Variants in SLC9B1 observed in about 807,000 individuals in gnomAD.
The protein encoded by SLC9B1 is solute carrier family 9 member B1.
In SLC9B1, 32 loss-of-function variants were observed where a neutral mutation model predicts 51.7. The ratio of observed to expected loss-of-function variants is 0.62; its 90% CI spans 0.47 to 0.83. The LOEUF (loss-of-function observed/expected upper bound fraction) is 0.83. Ranked by LOEUF, SLC9B1 falls within the 40% of genes least tolerant of loss-of-function variation. SLC9B1 has a pLI of 0.00. For synonymous variants in SLC9B1, 145 were observed against 212.7 expected, an observed-to-expected ratio of 0.68 and a Z score of 2.77; for missense variants, 406 against 613.2, an observed-to-expected ratio of 0.66 and a Z score of 3.57.
chr4:102,997,345 T>C (rs1007493132), intron 1 of SLC9B1, among the ~76,000 whole-genome samples: 2 of 152,336 alleles, frequency 1.3e-5, no homozygotes, highest in South Asian at 2.1e-4. Flanking sequence ...TTAGATTTTC[T>C]TGATCTTAAT....
At chr4:102,909,111 T>G (rs1007329457) in intron 9 of SLC9B1, among the ~76,000 whole-genome samples, 1 of 151,990 alleles carries the variant, frequency 6.6e-6, no homozygotes. Flanking sequence ...GTTGGCAGAG[T>G]GTAAATAACC....
At chr4:102,980,083 A>T (rs968120351) in intron 3 of SLC9B1, among the ~76,000 whole-genome samples, 1 of 152,182 alleles carries the variant, frequency 6.6e-6, no homozygotes, top group South Asian at 2.1e-4. Context: ...GATTATTAAA[A>T]AGTCAAAAAA....
chr4:102,996,569 T>G (rs1740229902), intron 1 of SLC9B1, among the ~76,000 whole-genome samples: 1 of 152,222 alleles, frequency 6.6e-6, no homozygotes, highest in Admixed American at 6.5e-5. Flanking sequence ...GAATTGAATT[T>G]CATATATGGG....
chr4:103,005,261 TA>T lies in SLC9B1; in HGVS notation c.-1-13550del, dbSNP rs111991015. Among the ~76,000 whole-genome samples, 1,244 of 135,600 alleles carry T rather than the reference TA, an allele frequency of 9.2e-3. 11 individuals are homozygous for T. The highest frequency in any genetic ancestry group is 0.017 in the African/African-American group (654 of 38,196). 89.0% of individuals were successfully genotyped at this position (135,600 alleles called of 152,430 possible). Reference sequence around the variant, plus strand: ...ATAGAGAAAAATCTACCAAGCAAATTAAAAAAAAAAAAAAAACCAGAAAAAA... The same window carrying T: ...ATAGAGAAAAATCTACCAAGCAAATTAAAAAAAAAAAAAAACCAGAAAAAA... On this transcript the variant is annotated intron_variant, in intron 1 of 11. Transcript: ENST00000296422.
chr4:102,969,330 T>C (rs1378812528), intron 3 of SLC9B1, among the ~76,000 whole-genome samples: 4 of 152,164 alleles, frequency 2.6e-5, no homozygotes, highest in Non-Finnish European at 5.9e-5. Context: ...CAGCCTCCAA[T>C]GGTGACACCC....
chr4:102,921,886 T>A (rs893018309), intron 7 of SLC9B1, among the ~76,000 whole-genome samples: 8 of 152,160 alleles, frequency 5.3e-5, no homozygotes, highest in Non-Finnish European at 1.0e-4. Flanking sequence ...ATGCACCCAA[T>A]ACAAGAGCAC....
intron 7 of SLC9B1, among the ~76,000 whole-genome samples, chr4:102,927,091 A>T (rs1288198486): frequency 6.6e-6 from 1 of 152,222 alleles, no homozygotes; most frequent in Non-Finnish European, 1.5e-5. Context: ...CCTTATACAA[A>T]AATTAATTCA....
downstream of SLC9B1, chr4:102,898,138 G>A (rs1045186841): frequency 2.4e-5 from 12 of 501,320 alleles, no homozygotes; most frequent in African/African-American, 1.6e-4. Flanking sequence ...CCAGAGCCTC[G>A]CTGTACTAAG....
intron 9 of SLC9B1, among the ~76,000 whole-genome samples, chr4:102,907,781 C>A (rs1352850474): frequency 6.6e-6 from 1 of 152,144 alleles, no homozygotes; most frequent in Non-Finnish European, 1.5e-5. Flanking sequence ...GTTTTCTGAT[C>A]CCCACTTATT....
At chr4:102,959,346 T>A (rs1737970563) in intron 3 of SLC9B1, among the ~76,000 whole-genome samples, 1 of 152,174 alleles carries the variant, frequency 6.6e-6, no homozygotes, top group Non-Finnish European at 1.5e-5. Flanking sequence ...GTCAGTTTTA[T>A]TATCTGTAAA....
At chr4:102,939,573 A>G (rs1356471457) in intron 6 of SLC9B1, among the ~76,000 whole-genome samples, 6 of 152,174 alleles carry the variant, frequency 3.9e-5, no homozygotes, top group Non-Finnish European at 8.8e-5. Flanking sequence ...CATCATTCAG[A>G]TATGAAAACC....
At chr4:103,009,213 G>T (rs894234667) in intron 1 of SLC9B1, among the ~76,000 whole-genome samples, 1 of 152,216 alleles carries the variant, frequency 6.6e-6, no homozygotes, top group Non-Finnish European at 1.5e-5. Context: ...TACCATGTAT[G>T]TGCATATGTA....
At chr4:103,014,899 C>T (rs1741243302) in intron 1 of SLC9B1, 1 of 152,136 alleles carries the variant, frequency 6.6e-6, no homozygotes, top group African/African-American at 2.4e-5. Flanking sequence ...GACCCTTAAC[C>T]TCTCTGAGTC....
intron 11 of SLC9B1, among the ~76,000 whole-genome samples, chr4:102,894,735 C>T (rs1207548342): frequency 6.6e-6 from 1 of 152,062 alleles, no homozygotes; most frequent in African/African-American, 2.4e-5. Context: ...GGCAGGAGGA[C>T]TGCTTGAGCC....
intron 3 of SLC9B1, among the ~76,000 whole-genome samples, chr4:102,969,548 C>T (rs897993635): frequency 6.6e-6 from 1 of 152,190 alleles, no homozygotes; most frequent in Admixed American, 6.5e-5. Context: ...AGCAGACAAG[C>T]TGAAAATTCA....
At chr4:102,969,340 C>G (rs1376154144) in intron 3 of SLC9B1, among the ~76,000 whole-genome samples, 1 of 152,176 alleles carries the variant, frequency 6.6e-6, no homozygotes, top group Non-Finnish European at 1.5e-5. Context: ...TGGTGACACC[C>G]AGGCAAACAG....
rs761396696 is a variant in SLC9B1, at chr4:102,946,656, G to A, written c.516C>T (p.Leu172=). ...GTAATTGTAAATCTACCTGTGGATC[G>A]AGTCCAAGCCCAGCTCTTATTAGAA... ...TIILIRAGLG[L]DPQALRHLKV... The change falls in exon 5 of 12, where the codon CTC becomes CTT. Residue 172 remains leucine, a synonymous_variant. Transcript: ENST00000296422. 3.7e-6 allele frequency: 6 copies of A among 1,604,208 alleles called. No homozygotes were observed. The highest frequency in any genetic ancestry group is 3.4e-5 in the South Asian group (3 of 88,792).
chr4:102,903,588 T>C (rs1365733563), intron 11 of SLC9B1, among the ~76,000 whole-genome samples: 1 of 152,262 alleles, frequency 6.6e-6, no homozygotes, highest in East Asian at 1.9e-4. Flanking sequence ...TTTTCTAACA[T>C]GATAATAGAG....
At chr4:102,924,312 T>C (rs1736045292) in intron 7 of SLC9B1, among the ~76,000 whole-genome samples, 1 of 152,158 alleles carries the variant, frequency 6.6e-6, no homozygotes, top group Non-Finnish European at 1.5e-5. Flanking sequence ...GGGGAAAGGA[T>C]TCCCTATTTA....
Sources: allele counts gnomAD v4.1 joint callset (sites outside exome capture counted in the v4.1 genomes callset), GRCh38; gene constraint gnomAD v4.1.1; transcripts MANE v1.5; gene names NCBI Gene and HGNC (gene_info 2026-07-23, HGNC 2026-07-21).